Variants in PLPPR1 observed in about 807,000 individuals in gnomAD.
PLPPR1 encodes the protein phospholipid phosphatase-related protein type 1.
Under a neutral mutation model 33.1 loss-of-function variants are expected in PLPPR1, and 10 were observed. The observed-to-expected ratio is 0.30, with a 90% CI of 0.19 to 0.51. The LOEUF (loss-of-function observed/expected upper bound fraction) is 0.51. Ranked by LOEUF, PLPPR1 falls within the 20% of genes least tolerant of loss-of-function variation. PLPPR1 has a pLI of 0.97. For missense variants in PLPPR1, 304 were observed against 408.1 expected (o/e 0.74, Z 2.20); for synonymous variants, 151 against 151.0 (o/e 1.00, Z 0.00).
At chr9:101,157,195 T>C (rs1014024446) in intron 1 of PLPPR1, among the ~76,000 whole-genome samples, 2 of 152,186 alleles carry the variant, frequency 1.3e-5, no homozygotes, top group Non-Finnish European at 2.9e-5. Context: ...TTTTCTATGT[T>C]AATGAAGATG....
chr9:101,132,638 C>T (rs1831326416), intron 1 of PLPPR1, among the ~76,000 whole-genome samples: 1 of 152,024 alleles, frequency 6.6e-6, no homozygotes, highest in African/African-American at 2.4e-5. Flanking sequence ...CAAGAATGAA[C>T]CCTAATGTAA....
intron 6 of PLPPR1, among the ~76,000 whole-genome samples, chr9:101,313,778 C>T (rs1829004170): frequency 6.6e-6 from 1 of 152,160 alleles, no homozygotes; most frequent in Admixed American, 6.5e-5. Context: ...AATGACACAT[C>T]AAGTATACAA....
chr9:101,091,202 A>G (rs1003900311), intron 1 of PLPPR1, among the ~76,000 whole-genome samples: 27 of 152,136 alleles, frequency 1.8e-4, no homozygotes, highest in Non-Finnish European at 1.5e-4. Flanking sequence ...TTACAGAAAC[A>G]CCATCTCATA....
chr9:101,207,533 G>A (rs1449758804), intron 2 of PLPPR1, among the ~76,000 whole-genome samples: 1 of 152,162 alleles, frequency 6.6e-6, no homozygotes, highest in Non-Finnish European at 1.5e-5. Context: ...CTGAGATGAA[G>A]TGGGGGTGTG....
At chr9:101,128,568 C>T (rs548872406) in intron 1 of PLPPR1, among the ~76,000 whole-genome samples, 16 of 152,286 alleles carry the variant, frequency 1.1e-4, no homozygotes, top group African/African-American at 3.8e-4. Context: ...TGGTACTCAG[C>T]CGAGTGCAGG....
At chr9:101,180,153 CACACACACAT>C (rs1433822125) in intron 1 of PLPPR1, among the ~76,000 whole-genome samples, 1 of 133,692 alleles carries the variant, frequency 7.5e-6, no homozygotes, top group South Asian at 2.3e-4. Context: ...TACACACACA[CACACACACAT>C]ACACACACAC....
chr9:101,170,456 A>C (rs938853406), intron 1 of PLPPR1, among the ~76,000 whole-genome samples: 29 of 151,854 alleles, frequency 1.9e-4, no homozygotes, highest in African/African-American at 6.8e-4. Flanking sequence ...ATGAGAAAGA[A>C]CCCCCAATGA....
At chr9:101,178,313 C>G (rs1381362425) in intron 1 of PLPPR1, among the ~76,000 whole-genome samples, 1 of 152,196 alleles carries the variant, frequency 6.6e-6, no homozygotes, top group Non-Finnish European at 1.5e-5. Flanking sequence ...CCCAATTTGC[C>G]AGCAGCAGAG....
chr9:101,297,510 G>A (rs566869084), intron 4 of PLPPR1, among the ~76,000 whole-genome samples: 1 of 152,260 alleles, frequency 6.6e-6, no homozygotes, highest in South Asian at 2.1e-4. Context: ...TTGACGGAGA[G>A]TATTAAATTC....
At chr9:101,056,056 T>A (rs974480299) in intron 1 of PLPPR1, among the ~76,000 whole-genome samples, 1 of 152,250 alleles carries the variant, frequency 6.6e-6, no homozygotes, top group African/African-American at 2.4e-5. Flanking sequence ...AGTCTCTGCA[T>A]AAGTGCTTTA....
intron 1 of PLPPR1, among the ~76,000 whole-genome samples, chr9:101,158,323 G>A (rs764233920): frequency 3.9e-5 from 6 of 152,142 alleles, no homozygotes; most frequent in Non-Finnish European, 7.3e-5. Flanking sequence ...ATCACAGTGA[G>A]GAAAGATTGT....
intron 2 of PLPPR1, among the ~76,000 whole-genome samples, chr9:101,244,149 C>A (rs1827536802): frequency 6.6e-6 from 1 of 151,766 alleles, no homozygotes; most frequent in Non-Finnish European, 1.5e-5. Flanking sequence ...ATGAATTTTT[C>A]AATTAGGAGG....
At chr9:101,131,654 A>G (rs2118613838) in intron 1 of PLPPR1, 1 of 152,294 alleles carries the variant, frequency 6.6e-6, no homozygotes, top group East Asian at 1.9e-4. Flanking sequence ...GCCAACACTT[A>G]CCTTCTTTTT....
intron 2 of PLPPR1, among the ~76,000 whole-genome samples, chr9:101,258,866 C>T (rs1427001154): frequency 6.6e-6 from 1 of 152,110 alleles, no homozygotes; most frequent in Non-Finnish European, 1.5e-5. Context: ...ATGTCAGAAT[C>T]ATTTTGAATT....
intron 1 of PLPPR1, among the ~76,000 whole-genome samples, chr9:101,089,547 G>A (rs1025754621): frequency 2.0e-5 from 3 of 151,928 alleles, no homozygotes; most frequent in Admixed American, 6.6e-5. Flanking sequence ...GAATAATATC[G>A]GACCAAATGT....
At chr9:101,322,072 C>T (rs1829162463) in intron 7 of PLPPR1, among the ~76,000 whole-genome samples, 1 of 149,950 alleles carries the variant, frequency 6.7e-6, no homozygotes, top group African/African-American at 2.4e-5. Flanking sequence ...GTGGCAGGCG[C>T]CTGTAATCCC....
intron 2 of PLPPR1, 27 bp downstream of exon 2, chr9:101,185,584 A>G: frequency 1.4e-6 from 2 of 1,412,936 alleles, no homozygotes; most frequent in Non-Finnish European, 2.0e-6. Flanking sequence ...ACCTTTATGG[A>G]CAAATTGAAA....
At chr9:101,177,553 T>C (rs1330469076) in intron 1 of PLPPR1, among the ~76,000 whole-genome samples, 1 of 152,208 alleles carries the variant, frequency 6.6e-6, no homozygotes, top group Non-Finnish European at 1.5e-5. Context: ...TTCTTCAAAA[T>C]AGTTGTTCCA....
chr9:101,267,204 A>G (rs76772028), intron 2 of PLPPR1, among the ~76,000 whole-genome samples: 2,642 of 152,334 alleles, frequency 0.017, 32 homozygotes, highest in Middle Eastern at 0.082. Flanking sequence ...GTTCCTTGCC[A>G]TCAGGTCAAC....
Sources: gnomAD v4.1 joint callset for allele counts (sites outside exome capture counted in the v4.1 genomes callset) on GRCh38, gnomAD v4.1.1 for gene constraint, MANE v1.5 for transcripts, NCBI Gene and HGNC (gene_info 2026-07-23, HGNC 2026-07-21) for gene names.